ZNF786: variants seen among roughly 807,000 people sequenced by gnomAD.
ZNF786 encodes zinc finger protein 786.
A neutral mutation model predicts 63.1 loss-of-function variants in ZNF786; 56 were observed. The ratio of observed to expected loss-of-function variants is 0.89; its 90% confidence interval spans 0.72 to 1.11. The LOEUF is 1.11. ZNF786 is among the 50% of genes least tolerant of loss of function. ZNF786 has a pLI of 0.00. For missense variants in ZNF786, 1,213 were observed against 1,041.8 expected, an observed-to-expected ratio of 1.16 and a Z score of -2.26; for synonymous variants, 485 against 406.9, an observed-to-expected ratio of 1.19 and a Z score of -2.31.
rs777664646 is a variant in ZNF786 at position 149,072,339 on chromosome 7, C to T, written c.433G>A (p.Asp145Asn). The change falls in exon 4 of 4, where the codon GAC becomes AAC. Residue 145 changes from aspartate to asparagine, a missense_variant. By Grantham distance (23) the Asp-to-Asn change is conservative (BLOSUM62 1). Coordinates refer to ENST00000491431, the MANE Select transcript of ZNF786 (RefSeq NM_152411.4). ...GITLGSPQRH[D>N]ARAPPPLACG... The stretch of plus-strand genomic sequence containing the variant: ...GCTAGTGGTGGAGGAGCCCTGGCGT[C>T]GTGTCTCTGTGGGCTCCCGAGGGTG... The T allele has an allele frequency of 1.2e-5, 19 of 1,613,716 alleles. No homozygotes were observed. In the Middle Eastern group the frequency reaches 8.2e-4, roughly 70 times the overall value.
At chr7:149,077,993 G>C (rs988732949) in intron 2 of ZNF786, among the ~76,000 whole-genome samples, 3 of 151,350 alleles carry the variant, frequency 2.0e-5, no homozygotes, top group Non-Finnish European at 4.4e-5. Context: ...CTCCCAAGTA[G>C]CTGGGATTAC....
Position 149,080,684 on chromosome 7 carries a change from A to G in ZNF786, c.52T>C (p.Phe18Leu), listed in dbSNP as rs1825635357. The part of the protein sequence containing the change: ...PLTFEDVAIY[F>L]SEQEWQDLEA... ...AGATCCTGCCATTCTTGCTCGGAGA[A>G]ATAAATAGCAACATCCTCAAAAGTC... Residue 18 changes from phenylalanine to leucine, a missense_variant, in exon 2 of 4, where the codon TTC becomes CTC. Coordinates refer to ENST00000491431, the MANE Select transcript of ZNF786 (RefSeq NM_152411.4). 1 of 1,611,154 alleles carries G rather than the reference A, an allele frequency of 6.2e-7. No homozygotes were observed. Among genetic ancestry groups the G allele is most frequent in the South Asian group, 1.1e-5 (1 of 90,472 alleles).
Position 149,089,357 on chromosome 7 carries a change from C to T in ZNF786, c.18+1266G>A, listed in dbSNP as rs188340720. ...TGAGATAGAGTCTCGCTCTGTCGCC[C>T]AGGCTGGAGTGCAGTGGCGCCATCT... On this transcript the variant is annotated intron_variant, in intron 1 of 3. Transcript: ENST00000491431. Among the ~76,000 whole-genome samples the T allele has an allele frequency of 1.1e-3, 162 of 152,208 alleles. 1 individual carries two copies. The highest frequency in any genetic ancestry group is 3.7e-3 in the African/African-American group (152 of 41,540).
At chr7:149,074,191 A>G (rs1001972780) in intron 3 of ZNF786, among the ~76,000 whole-genome samples, 195 bp downstream of exon 3, 12 of 152,196 alleles carry the variant, frequency 7.9e-5, no homozygotes, top group African/African-American at 2.6e-4. Flanking sequence ...AACTTGCCCA[A>G]GGTCACCAAG....
chr7:149,073,745 GTGTATATATA>G (rs1445613394), intron 3 of ZNF786, among the ~76,000 whole-genome samples: 7 of 67,746 alleles, frequency 1.0e-4, no homozygotes, highest in East Asian at 5.3e-4. Context: ...GTGTGTGTGT[GTGTATATATA>G]TATATATATA....
intron 1 of ZNF786, among the ~76,000 whole-genome samples, chr7:149,087,766 C>T (rs1025865476): frequency 6.6e-6 from 1 of 152,074 alleles, no homozygotes; most frequent in African/African-American, 2.4e-5. Context: ...ATGCCCACTT[C>T]CACAAGCACA....
chr7:149,074,262 C>T, intron 3 of ZNF786, 124 bp downstream of exon 3: 1 of 1,134,378 alleles, frequency 8.8e-7, no homozygotes, highest in East Asian at 2.5e-5. Context: ...TGCTTTACTG[C>T]CTTTATCTAG....
rs920299005 is a variant in ZNF786, at chr7:149,082,585, A to T, written c.19-1868T>A. 2,049 of 586,092 alleles carry T rather than the reference A, an allele frequency of 3.5e-3. 36 individuals are homozygous for T. In the African/African-American group the frequency reaches 0.038, roughly 11 times the overall value. 36.3% of individuals were successfully genotyped at this position (586,092 alleles called of 1,614,324 possible). On this transcript the variant is annotated intron_variant, in intron 1 of 3. Coordinates refer to ENST00000491431, the MANE Select transcript of ZNF786 (RefSeq NM_152411.4). ...TAAAGTTTATCTTGTTCCAACTTAA[A>T]TTTTTTTTTTTTTTGAGACGGCATC... is the stretch of plus-strand genomic sequence containing the variant.
chr7:149,073,759 A>ATATG (rs1388518176), intron 3 of ZNF786, among the ~76,000 whole-genome samples: 4 of 93,620 alleles, frequency 4.3e-5, no homozygotes, highest in Non-Finnish European at 6.3e-5. Flanking sequence ...ATATATATAT[A>ATATG]TATATATATA....
At position 149,070,351 on chromosome 7, in the gene ZNF786, G is replaced by A; in HGVS notation, c.*72C>T. ...GCTCCTAAAACCCGTCTACCAGCGG[G>A]TCTGGCTACTGTTGCTGTGGATTCC... On this transcript the variant is annotated 3_prime_UTR_variant, in exon 4 of 4. Coordinates refer to ENST00000491431, the MANE Select transcript of ZNF786 (RefSeq NM_152411.4). 2 of 1,558,578 alleles carry A rather than the reference G, an allele frequency of 1.3e-6. No homozygotes were observed. The highest frequency in any genetic ancestry group is 1.4e-5 in the African/African-American group (1 of 73,804).
chr7:149,080,913 G>A (rs1261900805), intron 1 of ZNF786, among the ~76,000 whole-genome samples, 196 bp from the exon 2 acceptor site: 2 of 152,066 alleles, frequency 1.3e-5, no homozygotes, highest in South Asian at 2.1e-4. Context: ...CCCGCTCCAC[G>A]TTTCATTATG....
chr7:149,090,532 C>T lies in ZNF786; in HGVS notation c.18+91G>A, dbSNP rs1188501382. ...CCGTCCTACCCGTGCACCGCGCGCA[C>T]TCACGGGGACCCCAGGACACGGGCG... is the stretch of plus-strand genomic sequence containing the variant. On this transcript the variant is annotated intron_variant, in intron 1 of 3. Transcript: ENST00000491431. 15 of 1,360,286 alleles carry T rather than the reference C, an allele frequency of 1.1e-5. 1 individual carries two copies. In the African/African-American group the frequency reaches 1.3e-4, roughly 12 times the overall value. 84.3% of individuals were successfully genotyped at this position (1,360,286 alleles called of 1,614,324 possible).
At chr7:149,081,252 GT>G in intron 1 of ZNF786, 1 of 440,424 alleles carries the variant, frequency 2.3e-6, no homozygotes, top group Non-Finnish European at 4.5e-6. Flanking sequence ...CCTGACCAAC[GT>G]GGTGAAACCC....
rs1341204937 is a variant in ZNF786, at chr7:149,070,009, A to C, written c.*414T>G. Reference sequence around the variant, plus strand: ...TATTTTTATACAAATGCACAAAGGTAATCACATCTTATCTGGATTTCTGTG... The same window carrying C: ...TATTTTTATACAAATGCACAAAGGTCATCACATCTTATCTGGATTTCTGTG... On this transcript the variant is annotated 3_prime_UTR_variant, in exon 4 of 4. Coordinates refer to ENST00000491431, the MANE Select transcript of ZNF786 (RefSeq NM_152411.4). 1.2e-5 allele frequency: 2 copies of C among 164,752 alleles called. No homozygotes were observed. Among genetic ancestry groups the C allele is most frequent in the East Asian group, 3.4e-4 (2 of 5,848 alleles). The allele number at this position is 164,752 out of a possible 1,614,324, so 10.2% of individuals were successfully genotyped here.
At chr7:149,074,238 A>T in intron 3 of ZNF786, 148 bp downstream of exon 3, 1 of 937,896 alleles carries the variant, frequency 1.1e-6, no homozygotes, top group Non-Finnish European at 1.6e-6. Context: ...TAGAACCCAC[A>T]TTCCTAACCA....
In ZNF786 at chr7:149,070,173, T is replaced by C. The variant is rs1825373213; in HGVS notation, c.*250A>G. ...TCCAATATAGCTGGGATCACGCCAC[T>C]GCACTCCAGCCTGGGTGACAGAGCA... On this transcript the variant is annotated 3_prime_UTR_variant, in exon 4 of 4. Coordinates refer to ENST00000491431, the MANE Select transcript of ZNF786 (RefSeq NM_152411.4). 2.5e-5 allele frequency: 10 copies of C among 394,304 alleles called. 1 individual carries two copies. In the South Asian group the frequency reaches 3.2e-4, roughly 13 times the overall value. The allele number at this position is 394,304 out of a possible 1,614,324, so 24.4% of individuals were successfully genotyped here. A position where few individuals can be genotyped will look rare whatever the true frequency, so the allele number is the denominator to read the frequency against.
At chr7:149,075,018 C>T (rs766398383) in intron 2 of ZNF786, among the ~76,000 whole-genome samples, 19 of 151,704 alleles carry the variant, frequency 1.3e-4, no homozygotes, top group South Asian at 2.1e-4. Context: ...TTAGTGGAGA[C>T]GGGTTTCACC....
rs542340635 is a variant in ZNF786 at position 149,071,986 on chromosome 7, G to C, written c.786C>G (p.His262Gln). The C allele has an allele frequency of 1.9e-6, 3 of 1,612,676 alleles. No individual in the cohort carries two copies. The highest frequency in any genetic ancestry group is 2.5e-6 in the Non-Finnish European group (3 of 1,179,846). The change falls in exon 4 of 4, where the codon CAC becomes CAG. Residue 262 changes from histidine to glutamine, a missense_variant. Coordinates refer to ENST00000491431, the MANE Select transcript of ZNF786 (RefSeq NM_152411.4). ...CGTTCCGGAAGGGGCCCCTCCCCGT[G>C]TGGGCCGCCAGATGGCGCAGCAGAC... ...KLCLLRHLAAHTGRGPFRNAD... is the reference protein window; with the variant it reads ...KLCLLRHLAAQTGRGPFRNAD...
Position 149,071,852 on chromosome 7 carries a change from G to A in ZNF786, c.920C>T (p.Pro307Leu). Residue 307 changes from proline (P) to leucine (L), a missense_variant, in exon 4 of 4, where the codon CCA (proline) becomes CTA (leucine). Coordinates refer to ENST00000491431, the MANE Select transcript of ZNF786 (RefSeq NM_152411.4). ...QCTPCGKRSL[P>L]VDSTQARRCQ... ...CCGGCGAGCCTGCGTGCTGTCCACT[G>A]GGAGGGAGCGCTTGCCGCATGGGGT... 1 of 1,598,014 alleles carries A rather than the reference G, an allele frequency of 6.3e-7. No individual in the cohort carries two copies. Among genetic ancestry groups the A allele is most frequent in the East Asian group, 2.2e-5 (1 of 44,720 alleles).
Sources: gnomAD v4.1 joint callset for allele counts (sites outside exome capture counted in the v4.1 genomes callset) on GRCh38, gnomAD v4.1.1 for gene constraint, MANE v1.5 for transcripts, NCBI Gene and HGNC (gene_info 2026-07-23, HGNC 2026-07-21) for gene names.